Variants in CACNA1E observed in about 807,000 individuals in gnomAD.
The protein encoded by CACNA1E is voltage-dependent R-type calcium channel subunit alpha-1E.
A neutral mutation model predicts 259.2 loss-of-function variants in CACNA1E; 40 were observed. The observed-to-expected ratio is 0.15, with a 90% CI of 0.12 to 0.20. CACNA1E has a LOEUF of 0.20. Ranked by LOEUF, CACNA1E falls within the 10% of genes least tolerant of loss-of-function variation. The pLI, the probability that CACNA1E is intolerant of heterozygous loss-of-function variation, is 1.00. For synonymous variants in CACNA1E, 1,104 were observed against 1,138.5 expected (o/e 0.97, Z 0.61); for missense variants, 1,874 against 3,040.1 (o/e 0.62, Z 9.02).
intron 7 of CACNA1E, among the ~76,000 whole-genome samples, chr1:181,694,663 G>A (rs563419491): frequency 1.3e-5 from 2 of 152,160 alleles, no homozygotes; most frequent in African/African-American, 4.8e-5. Context: ...CCAGAACAAT[G>A]AGCCATGTTA....
At chr1:181,437,251 A>T (rs890044029) in intron 2 of CACNA1E, among the ~76,000 whole-genome samples, 1 of 152,018 alleles carries the variant, frequency 6.6e-6, no homozygotes, top group African/African-American at 2.4e-5. Context: ...CTCTTTTAAA[A>T]TTTTCCACAT....
chr1:181,483,855 C>A lies in CACNA1E; in HGVS notation c.111C>A (p.Ala37=). 2 of 1,613,694 alleles carry A rather than the reference C, an allele frequency of 1.2e-6. No individual in the cohort carries two copies. The highest frequency in any genetic ancestry group is 1.7e-6 in the Non-Finnish European group (2 of 1,179,832). The change falls in exon 1 of 48, where the codon GCC becomes GCA. Residue 37 remains alanine, a synonymous_variant. Coordinates refer to ENST00000367573, the MANE Select transcript of CACNA1E (RefSeq NM_001205293.3). ...CCGTGCCGGCCTCGGGGCAGGCGGC[C>A]GCCTACAAGCAGACGAAAGCACAGA... is the stretch of plus-strand genomic sequence containing the variant. ...GTPVPASGQA[A]AYKQTKAQRA... is the part of the protein sequence containing the mutation.
intron 30 of CACNA1E, 38 bp from the exon 31 acceptor site, chr1:181,757,909 G>T (rs373541454): frequency 7.5e-5 from 120 of 1,606,830 alleles, no homozygotes; most frequent in Middle Eastern, 1.6e-4. Flanking sequence ...AGATCTAGGG[G>T]ATTTGAATTT....
chr1:181,425,524 C>T (rs1198036143), intron 2 of CACNA1E, among the ~76,000 whole-genome samples: 1 of 129,242 alleles, frequency 7.7e-6, no homozygotes, highest in Admixed American at 7.4e-5. Context: ...TTGCTGTACA[C>T]CCCCGCTCCC....
chr1:181,456,171 T>C (rs1251691741), intron 2 of CACNA1E, among the ~76,000 whole-genome samples: 2 of 152,078 alleles, frequency 1.3e-5, no homozygotes, highest in Non-Finnish European at 2.9e-5. Flanking sequence ...GACTGCATCA[T>C]TGCTGATGGT....
intron 1 of CACNA1E, among the ~76,000 whole-genome samples, chr1:181,365,726 C>A (rs976810513): frequency 1.3e-5 from 2 of 152,206 alleles, no homozygotes; most frequent in African/African-American, 4.8e-5. Flanking sequence ...CTTTGTTGGG[C>A]ACAGGCCTTC....
intron 3 of CACNA1E, among the ~76,000 whole-genome samples, chr1:181,563,889 T>C (rs892020813): frequency 6.6e-6 from 1 of 152,220 alleles, no homozygotes; most frequent in African/African-American, 2.4e-5. Flanking sequence ...ATATAAGAGT[T>C]ATGTTTACAC....
intron 2 of CACNA1E, among the ~76,000 whole-genome samples, chr1:181,442,820 A>G (rs1660581972): frequency 6.6e-6 from 1 of 152,108 alleles, no homozygotes; most frequent in Non-Finnish European, 1.5e-5. Context: ...TCCATAGGTG[A>G]TGTTCCACCC....
intron 2 of CACNA1E, among the ~76,000 whole-genome samples, chr1:181,471,707 C>CT (rs1662524625): frequency 6.6e-6 from 1 of 152,146 alleles, no homozygotes; most frequent in African/African-American, 2.4e-5. Flanking sequence ...GCCGTGAATG[C>CT]TTTGATTATA....
chr1:181,608,063 C>T (rs1297897604), intron 6 of CACNA1E, among the ~76,000 whole-genome samples: 1 of 152,082 alleles, frequency 6.6e-6, no homozygotes, highest in Non-Finnish European at 1.5e-5. Flanking sequence ...GCTGCCTGAC[C>T]GTGACCACAG....
chr1:181,608,650 A>G (rs1654455851), intron 6 of CACNA1E, among the ~76,000 whole-genome samples: 1 of 152,092 alleles, frequency 6.6e-6, no homozygotes, highest in African/African-American at 2.4e-5. Flanking sequence ...GCATGTCTAC[A>G]GGAGACCCCA....
At chr1:181,519,041 C>T (rs1218137308) in intron 3 of CACNA1E, among the ~76,000 whole-genome samples, 1 of 152,186 alleles carries the variant, frequency 6.6e-6, no homozygotes, top group Non-Finnish European at 1.5e-5. Context: ...GACCGTTCTC[C>T]TGGGCCTGGA....
intron 6 of CACNA1E, among the ~76,000 whole-genome samples, chr1:181,614,695 G>A (rs1048997409): frequency 6.6e-6 from 1 of 152,080 alleles, no homozygotes; most frequent in African/African-American, 2.4e-5. Context: ...TAACTAAATG[G>A]TATCATGTAC....
chr1:181,787,028 G>A (rs1660901308), intron 43 of CACNA1E, among the ~76,000 whole-genome samples: 1 of 152,012 alleles, frequency 6.6e-6, no homozygotes, highest in Non-Finnish European at 1.5e-5. Context: ...AAACAAGTCA[G>A]TGTTTATCTT....
intron 2 of CACNA1E, among the ~76,000 whole-genome samples, chr1:181,461,335 A>G (rs1661792207): frequency 6.6e-6 from 1 of 151,732 alleles, no homozygotes; most frequent in South Asian, 2.1e-4. Context: ...AGGTCAGGAG[A>G]TCGAGACCAT....
At chr1:181,621,584 C>A (rs1655722392) in intron 6 of CACNA1E, among the ~76,000 whole-genome samples, 1 of 152,138 alleles carries the variant, frequency 6.6e-6, no homozygotes. Flanking sequence ...AACACATATC[C>A]ACATTGCAAG....
At chr1:181,595,725 G>A (rs1338519097) in intron 6 of CACNA1E, among the ~76,000 whole-genome samples, 2 of 152,122 alleles carry the variant, frequency 1.3e-5, no homozygotes, top group Non-Finnish European at 2.9e-5. Flanking sequence ...AGGGTATCCA[G>A]GGCTCCTGGG....
At chr1:181,481,972 AG>A (rs1663291050), upstream of CACNA1E, among the ~76,000 whole-genome samples, 1 of 152,114 alleles carries the variant, frequency 6.6e-6, no homozygotes, top group Non-Finnish European at 1.5e-5. Context: ...CTCACCATGG[AG>A]GGCCCTTCCA....
intron 32 of CACNA1E, 42 bp from the exon 33 acceptor site, chr1:181,762,532 C>G: frequency 9.5e-7 from 1 of 1,048,466 alleles, no homozygotes; most frequent in Non-Finnish European, 1.4e-6. Context: ...TTTTTTTTTT[C>G]TTTCCTTTTC....
Sources: allele counts gnomAD v4.1 joint callset (sites outside exome capture counted in the v4.1 genomes callset), GRCh38; gene constraint gnomAD v4.1.1; transcripts MANE v1.5; gene names NCBI Gene and HGNC (gene_info 2026-07-23, HGNC 2026-07-21).